The following DST variants were observed in gnomAD, a reference collection of about 807,000 sequenced individuals.
DST encodes dystonin, also known as bullous pemphigoid antigen.
In DST, 253 loss-of-function variants were observed where a neutral mutation model predicts 875.2. That is an observed-to-expected ratio of 0.29 (90% CI 0.26 to 0.32). The LOEUF is 0.32. Among genes scored for constraint, DST ranks in the 10% least tolerant of loss-of-function variants. The pLI, the probability that DST is intolerant of heterozygous loss-of-function variation, is 1.00. For missense variants in DST, 8,287 were observed against 9,111.6 expected (o/e 0.91, Z 3.68); for synonymous variants, 3,124 against 3,197.1 (o/e 0.98, Z 0.77).
chr6:56,763,566 G>C (rs534392831), intron 4 of DST, among the ~76,000 whole-genome samples: 117 of 152,074 alleles, frequency 7.7e-4, no homozygotes, highest in African/African-American at 2.7e-3. Context: ...CAGCTACTCA[G>C]GAGGCTGAGG....
Position 56,627,361 on chromosome 6 carries a change from T to C in DST, c.4639-74A>G. 7.0e-6 allele frequency: 7 copies of C among 999,490 alleles called. No individual in the cohort carries two copies. The South Asian group carries it at 7.6e-5, about 11-fold the overall frequency. 61.9% of individuals were successfully genotyped at this position (999,490 alleles called of 1,614,324 possible). ...TCTACTACATAAGATGCTCAGTAACTAAGACATATCTACATCACTTCACAG... is the reference window on the plus strand; with the variant it reads ...TCTACTACATAAGATGCTCAGTAACCAAGACATATCTACATCACTTCACAG... On this transcript the variant is annotated intron_variant, in intron 33 of 103. Transcript: ENST00000680361.
chr6:56,585,900 A>C (rs889873821), intron 49 of DST, among the ~76,000 whole-genome samples: 4 of 151,894 alleles, frequency 2.6e-5, no homozygotes, highest in East Asian at 1.9e-4. Context: ...TGCAGTTGAG[A>C]GGTTTTGAGT....
chr6:56,851,494 G>A lies in DST; in HGVS notation c.528C>T (p.Thr176=), dbSNP rs375923442. The A allele has an allele frequency of 3.1e-6, 5 of 1,613,946 alleles. No individual in the cohort carries two copies. Among genetic ancestry groups the A allele is most frequent in the African/African-American group, 1.3e-5 (1 of 74,946 alleles). The part of the protein sequence containing the change: ...SGSASPAPGD[T]LPWNLPKHER... Reference sequence around the variant, plus strand: ...CATGTTTAGGCAAATTCCAGGGTAAGGTGTCTCCCGGAGCTGGGGATGCGG... The same window carrying A: ...CATGTTTAGGCAAATTCCAGGGTAAAGTGTCTCCCGGAGCTGGGGATGCGG... The change falls in exon 4 of 104, where the codon ACC becomes ACT. Residue 176 remains threonine, a synonymous_variant. Transcript: ENST00000680361.
rs189198658 is a variant in DST at position 56,723,424 on chromosome 6, C to T, written c.687+11804G>A. ...TACTAAAAATACAAAATTAGCCGGG[C>T]GTGTTGGTGCATGCTTGTAATCCCA... On this transcript the variant is annotated intron_variant, in intron 5 of 103. Transcript: ENST00000680361. 6.6e-5 allele frequency among the ~76,000 whole-genome samples: 10 copies of T among 152,128 alleles called. No homozygotes were observed. The East Asian group carries it at 1.2e-3, about 18-fold the overall frequency.
chr6:56,700,632 A>C (rs1257026346), intron 8 of DST, among the ~76,000 whole-genome samples: 1 of 152,172 alleles, frequency 6.6e-6, no homozygotes, highest in Non-Finnish European at 1.5e-5. Flanking sequence ...CAACTGTCAA[A>C]CTGTACATTC....
At chr6:56,929,728 C>T (rs778493058) in intron 2 of DST, among the ~76,000 whole-genome samples, 2 of 152,082 alleles carry the variant, frequency 1.3e-5, no homozygotes, top group Non-Finnish European at 2.9e-5. Flanking sequence ...TTTTTAATCC[C>T]CCAATTTACC....
At chr6:56,776,971 T>C (rs745784070) in intron 4 of DST, among the ~76,000 whole-genome samples, 5 of 152,206 alleles carry the variant, frequency 3.3e-5, no homozygotes, top group Non-Finnish European at 7.3e-5. Context: ...TTTGAAATTT[T>C]AACAATTATA....
rs770586879 is a variant in DST at position 56,605,203 on chromosome 6, T to C, written c.9425A>G (p.Asp3142Gly). 1.2e-6 allele frequency: 2 copies of C among 1,611,752 alleles called. No individual in the cohort carries two copies. The highest frequency in any genetic ancestry group is 2.7e-5 in the African/African-American group (2 of 74,870). The change falls in exon 40 of 104, where the codon GAC becomes GGC. Residue 3142 changes from aspartate (D) to glycine (G), a missense_variant. Transcript: ENST00000680361. ...VQFENLEEIF[D>G]TSVSKEISDD... The stretch of plus-strand genomic sequence containing the variant: ...ACTAATCTCTTTGGAAACTGATGTG[T>C]CAAAAATTTCTTCAAGATTCTCAAA...
chr6:56,715,448 G>A (rs2152900484), intron 5 of DST, among the ~76,000 whole-genome samples: 1 of 152,318 alleles, frequency 6.6e-6, no homozygotes, highest in East Asian at 1.9e-4. Context: ...GCACTTTGAA[G>A]AGAAGAAATT....
intron 2 of DST, among the ~76,000 whole-genome samples, chr6:56,953,347 A>T (rs1823333897): frequency 6.6e-6 from 1 of 152,256 alleles, no homozygotes; most frequent in Non-Finnish European, 1.5e-5. Context: ...GGAGAGCTTT[A>T]GGAGAAAACA....
At chr6:56,879,473 A>G (rs1187709089) in intron 3 of DST, among the ~76,000 whole-genome samples, 1 of 81,430 alleles carries the variant, frequency 1.2e-5, no homozygotes, top group African/African-American at 8.0e-5. Context: ...TTCGTCTCGG[A>G]AAAAAAAAAA....
chr6:56,678,250 A>G (rs1287949722), intron 9 of DST, among the ~76,000 whole-genome samples: 1 of 152,204 alleles, frequency 6.6e-6, no homozygotes, highest in East Asian at 1.9e-4. Context: ...TCAGCCAGTC[A>G]TACACCTACA....
At chr6:56,629,178 G>A in intron 32 of DST, 72 bp downstream of exon 32, 2 of 1,445,032 alleles carry the variant, frequency 1.4e-6, no homozygotes, top group Non-Finnish European at 9.7e-7. Context: ...AGCCTCATAT[G>A]TGTAGATTTT....
intron 32 of DST, among the ~76,000 whole-genome samples, chr6:56,628,780 C>A (rs1409455560): frequency 1.3e-5 from 2 of 152,058 alleles, no homozygotes; most frequent in Non-Finnish European, 2.9e-5. Flanking sequence ...TAAGATGAAC[C>A]CTAAAACCTT....
chr6:56,689,655 G>A (rs551993236), intron 9 of DST, among the ~76,000 whole-genome samples: 11 of 152,208 alleles, frequency 7.2e-5, no homozygotes, highest in East Asian at 5.8e-4. Context: ...CCTATCCAAC[G>A]TCCTGACCCT....
At chr6:56,724,809 G>A (rs1002502749) in intron 5 of DST, among the ~76,000 whole-genome samples, 9 of 152,140 alleles carry the variant, frequency 5.9e-5, no homozygotes, top group Admixed American at 5.9e-4. Flanking sequence ...GCATATTGCA[G>A]GCATTCTTCC....
chr6:56,483,305 A>T (rs1486585110), intron 88 of DST, among the ~76,000 whole-genome samples: 1 of 152,166 alleles, frequency 6.6e-6, no homozygotes, highest in African/African-American at 2.4e-5. Flanking sequence ...CTACTCTAAG[A>T]GATGTATCTA....
intron 72 of DST, 84 bp from the exon 73 acceptor site, chr6:56,511,484 G>A (rs1056653937): frequency 6.9e-6 from 8 of 1,167,826 alleles, no homozygotes; most frequent in Non-Finnish European, 9.7e-6. Context: ...CATCCAGCTG[G>A]CAAGAAACTC....
intron 4 of DST, among the ~76,000 whole-genome samples, chr6:56,832,750 T>C (rs893966907): frequency 6.6e-6 from 1 of 152,226 alleles, no homozygotes; most frequent in African/African-American, 2.4e-5. Context: ...ATTCTTTTTT[T>C]GTTTTTGAGA....
Sources: allele counts gnomAD v4.1 joint callset (sites outside exome capture counted in the v4.1 genomes callset), GRCh38; gene constraint gnomAD v4.1.1; transcripts MANE v1.5; gene names NCBI Gene and HGNC (gene_info 2026-07-23, HGNC 2026-07-21).